Variants in STOML2 observed in about 807,000 individuals in gnomAD.
STOML2 encodes stomatin like 2, also known as stomatin-like protein 2, mitochondrial.
STOML2 carries 22 observed loss-of-function variants against 45.7 expected under a neutral mutation model. The observed-to-expected ratio is 0.48, with a 90% CI of 0.34 to 0.69. The LOEUF is 0.69. Ranked by LOEUF, STOML2 falls within the 30% of genes least tolerant of loss-of-function variation. The pLI, the probability that STOML2 is intolerant of heterozygous loss-of-function variation, is 0.01. For missense variants in STOML2, 359 were observed against 466.9 expected, an observed-to-expected ratio of 0.77 and a Z score of 2.13; for synonymous variants, 181 against 182.7, an observed-to-expected ratio of 0.99 and a Z score of 0.08.
intron 8 of STOML2, 37 bp from the exon 9 acceptor site, chr9:35,100,763 A>G (rs773683994): frequency 2.4e-5 from 39 of 1,613,900 alleles, no homozygotes; most frequent in Non-Finnish European, 3.2e-5. Context: ...GAGATCACCG[A>G]TACGGAGAAG....
rs1411027233 is a variant in STOML2 at position 35,101,104 on chromosome 9, G to C, written c.724+31C>G. 22 of 1,613,946 alleles carry C rather than the reference G, an allele frequency of 1.4e-5. No individual in the cohort carries two copies. Among genetic ancestry groups the C allele is most frequent in the East Asian group, 2.2e-5 (1 of 44,870 alleles). On this transcript the variant is annotated intron_variant, in intron 7 of 9. Transcript: ENST00000356493. The surrounding 1 kb of genome is among the most constrained non-coding windows in gnomAD (Gnocchi z 4.3). ...ACCAATCTTCAAAGGCCCATGCCTT[G>C]CTCCTCCCTCAGCCTCTACCCTCTC...
chr9:35,100,461 C>G (rs1018680512), intron 9 of STOML2, 137 bp downstream of exon 9: 1 of 1,218,064 alleles, frequency 8.2e-7, no homozygotes, highest in East Asian at 2.3e-5. Flanking sequence ...GATTCCATCT[C>G]TACAAAGAAT....
In STOML2 at chr9:35,101,782, A is replaced by G; in HGVS notation, c.372T>C (p.Tyr124=). The G allele has an allele frequency of 6.2e-7, 1 of 1,614,190 alleles. No homozygotes were observed. The highest frequency in any genetic ancestry group is 8.5e-7 in the Non-Finnish European group (1 of 1,180,032). ...KASYGVEDPE[Y]AVTQLAQTTM... is the part of the protein sequence containing the mutation. ...TTGTTTGAGCTAGCTGGGTGACGGCATACTCAGGGTCCTCCACACCGTAGC... is the reference window on the plus strand; with the variant it reads ...TTGTTTGAGCTAGCTGGGTGACGGCGTACTCAGGGTCCTCCACACCGTAGC... Residue 124 remains tyrosine, a synonymous_variant, in exon 5 of 10, where the codon TAT becomes TAC. Coordinates refer to ENST00000356493, the MANE Select transcript of STOML2 (RefSeq NM_013442.3). The surrounding 1 kb of genome is among the most constrained non-coding windows in gnomAD (Gnocchi z 4.3).
intron 9 of STOML2, 91 bp from the exon 10 acceptor site, chr9:35,100,263 G>A: frequency 2.0e-6 from 3 of 1,522,952 alleles, no homozygotes; most frequent in Non-Finnish European, 1.8e-6. Flanking sequence ...GATGGCATGG[G>A]GGCCAGTAAG....
chr9:35,102,057 A>G lies in STOML2; in HGVS notation c.283+38T>C. 1 of 1,612,118 alleles carries G rather than the reference A, an allele frequency of 6.2e-7. No homozygotes were observed. The highest frequency in any genetic ancestry group is 8.5e-7 in the Non-Finnish European group (1 of 1,178,258). On this transcript the variant is annotated intron_variant, in intron 3 of 9. Transcript: ENST00000356493. The surrounding 1 kb of genome is among the most constrained non-coding windows in gnomAD (Gnocchi z 4.8). Reference sequence around the variant, plus strand: ...CTGGATCTACAGCAACCACATCCTAATAGCCTCAGAGCACCCATGTCACCC... The same window carrying G: ...CTGGATCTACAGCAACCACATCCTAGTAGCCTCAGAGCACCCATGTCACCC...
chr9:35,102,310 T>G lies in STOML2; in HGVS notation c.184-116A>C. On this transcript the variant is annotated intron_variant, in intron 2 of 9. Coordinates refer to ENST00000356493, the MANE Select transcript of STOML2 (RefSeq NM_013442.3). The surrounding 1 kb of genome is among the most constrained non-coding windows in gnomAD (Gnocchi z 4.8). Reference sequence around the variant, plus strand: ...GGAACATGCCCAGAAAAGCAGCAGCTCCTACCAAGAAATAAGTCCTCAGAA... The same window carrying G: ...GGAACATGCCCAGAAAAGCAGCAGCGCCTACCAAGAAATAAGTCCTCAGAA... 1.2e-6 allele frequency: 1 copy of G among 866,420 alleles called. No individual in the cohort carries two copies. The highest frequency in any genetic ancestry group is 1.8e-6 in the Non-Finnish European group (1 of 559,182). 53.7% of individuals were successfully genotyped at this position (866,420 alleles called of 1,614,324 possible). A position where few individuals can be genotyped will look rare whatever the true frequency, so the allele number is the denominator to read the frequency against.
Position 35,101,851 on chromosome 9 carries a change from G to T in STOML2, c.343-40C>A. 6.2e-7 allele frequency: 1 copy of T among 1,614,160 alleles called. No homozygotes were observed. The highest frequency in any genetic ancestry group is 1.1e-5 in the South Asian group (1 of 91,082). ...GATAGTGTAAGAAGCTTGGGCACAA[G>T]ATTTTAGTGAAGAGGGCAACTCAAA... On this transcript the variant is annotated intron_variant, in intron 4 of 9. Transcript: ENST00000356493. The surrounding 1 kb of genome is among the most constrained non-coding windows in gnomAD (Gnocchi z 4.3).
At chr9:35,100,757 T>A (rs768785815) in intron 8 of STOML2, 31 bp from the exon 9 acceptor site, 3 of 1,612,698 alleles carry the variant, frequency 1.9e-6, no homozygotes, top group Non-Finnish European at 2.5e-6. Flanking sequence ...AAATCAGAGA[T>A]CACCGATACG....
In STOML2 at chr9:35,100,621, C is replaced by A; in HGVS notation, c.910G>T (p.Asp304Tyr). Residue 304 changes from aspartate (D) to tyrosine (Y), a missense_variant, in exon 9 of 10, where the codon GAT (aspartate) becomes TAT (tyrosine). By Grantham distance (160) the Asp-to-Tyr change is radical. Transcript: ENST00000356493. ...ACCTGAGCCACCATGCTGGTGACAT[C>A]GCCAGGGTTGGAGGGCAGTAGGATA... ...NTILLPSNPG[D>Y]VTSMVAQAMG... The A allele has an allele frequency of 2.5e-6, 4 of 1,614,032 alleles. No individual in the cohort carries two copies. Among genetic ancestry groups the A allele is most frequent in the Non-Finnish European group, 3.4e-6 (4 of 1,180,016 alleles).
Position 35,099,958 on chromosome 9 carries a change from C to A in STOML2, c.*77G>T, listed in dbSNP as rs1246231561. On this transcript the variant is annotated 3_prime_UTR_variant, in exon 10 of 10. Transcript: ENST00000356493. ...CAAATAAAAAAATAAAAACCAAAATCTTGGCAGGGAAGCTAGAGCCAGAAT... is the reference window on the plus strand; with the variant it reads ...CAAATAAAAAAATAAAAACCAAAATATTGGCAGGGAAGCTAGAGCCAGAAT... The A allele has an allele frequency of 1.9e-6, 3 of 1,548,586 alleles. No homozygotes were observed. The highest frequency in any genetic ancestry group is 2.8e-5 in the African/African-American group (2 of 72,492).
rs1829829374 is a variant in STOML2, at chr9:35,102,065, A to G, written c.283+30T>C. On this transcript the variant is annotated intron_variant, in intron 3 of 9. Transcript: ENST00000356493. This position sits in a 1 kb window ranked among gnomAD's most constrained non-coding sequence, Gnocchi z 4.8. Reference sequence around the variant, plus strand: ...ACAGCAACCACATCCTAATAGCCTCAGAGCACCCATGTCACCCTGAACCCC... The same window carrying G: ...ACAGCAACCACATCCTAATAGCCTCGGAGCACCCATGTCACCCTGAACCCC... The G allele has an allele frequency of 6.2e-7, 1 of 1,613,122 alleles. No individual in the cohort carries two copies. Among genetic ancestry groups the G allele is most frequent in the Admixed American group, 1.7e-5 (1 of 59,980 alleles).
rs1829780638 is a variant in STOML2 at position 35,099,946 on chromosome 9, A to G, written c.*89T>C. On this transcript the variant is annotated 3_prime_UTR_variant, in exon 10 of 10. Transcript: ENST00000356493. ...ACGACTAAAGTTCAAATAAAAAAATAAAAACCAAAATCTTGGCAGGGAAGC... is the reference window on the plus strand; with the variant it reads ...ACGACTAAAGTTCAAATAAAAAAATGAAAACCAAAATCTTGGCAGGGAAGC... 1.3e-6 allele frequency: 2 copies of G among 1,525,960 alleles called. No individual in the cohort carries two copies. Among genetic ancestry groups the G allele is most frequent in the Middle Eastern group, 1.8e-4 (1 of 5,668 alleles). The allele number at this position is 1,525,960 out of a possible 1,614,324, so 94.5% of individuals were successfully genotyped here.
chr9:35,102,382 G>A lies in STOML2; in HGVS notation c.184-188C>T, dbSNP rs1351429817. On this transcript the variant is annotated intron_variant, in intron 2 of 9. Transcript: ENST00000356493. The surrounding 1 kb of genome is among the most constrained non-coding windows in gnomAD (Gnocchi z 4.8). The stretch of plus-strand genomic sequence containing the variant: ...AAAACCCAAGAGAACAGGAATGCAA[G>A]ACTAGGCCCCTGAATGGAGGGGAGA... 2.3e-5 allele frequency: 15 copies of A among 655,216 alleles called. No individual in the cohort carries two copies. The highest frequency in any genetic ancestry group is 9.1e-5 in the African/African-American group (5 of 54,778). The allele number at this position is 655,216 out of a possible 1,614,324, so 40.6% of individuals were successfully genotyped here.
At position 35,101,836 on chromosome 9, in the gene STOML2, G is replaced by A. The variant is rs1477633627; in HGVS notation, c.343-25C>T. 4 of 1,614,176 alleles carry A rather than the reference G, an allele frequency of 2.5e-6. No individual in the cohort carries two copies. Among genetic ancestry groups the A allele is most frequent in the Non-Finnish European group, 3.4e-6 (4 of 1,180,006 alleles). The stretch of plus-strand genomic sequence containing the variant: ...CCTGAGATGGACACGGATAGTGTAA[G>A]AAGCTTGGGCACAAGATTTTAGTGA... On this transcript the variant is annotated intron_variant, in intron 4 of 9. Coordinates refer to ENST00000356493, the MANE Select transcript of STOML2 (RefSeq NM_013442.3). The surrounding 1 kb of genome is among the most constrained non-coding windows in gnomAD (Gnocchi z 4.3).
In STOML2 at chr9:35,099,941, A is replaced by C. The variant is rs1829780596; in HGVS notation, c.*94T>G. 2.0e-6 allele frequency: 3 copies of C among 1,514,202 alleles called. No homozygotes were observed. The East Asian group carries it at 6.8e-5, about 34-fold the overall frequency. The allele number at this position is 1,514,202 out of a possible 1,614,324, so 93.8% of individuals were successfully genotyped here. A position where few individuals can be genotyped will look rare whatever the true frequency, so the allele number is the denominator to read the frequency against. On this transcript the variant is annotated 3_prime_UTR_variant, in exon 10 of 10. Transcript: ENST00000356493. Reference sequence around the variant, plus strand: ...ATTACACGACTAAAGTTCAAATAAAAAAATAAAAACCAAAATCTTGGCAGG... The same window carrying C: ...ATTACACGACTAAAGTTCAAATAAACAAATAAAAACCAAAATCTTGGCAGG...
chr9:35,101,534 A>G lies in STOML2; in HGVS notation c.471T>C (p.Ile157=), dbSNP rs1367458100. The G allele has an allele frequency of 6.2e-7, 1 of 1,613,952 alleles. No homozygotes were observed. The highest frequency in any genetic ancestry group is 8.5e-7 in the Non-Finnish European group (1 of 1,180,006). ...FRERESLNAS[I]VDAINQAADC... is the part of the protein sequence containing the mutation. Reference sequence around the variant, plus strand: ...CAGCAGCTTGGTTGATGGCATCCACAATGCTGGCATTCAGGGACTCCCGTT... The same window carrying G: ...CAGCAGCTTGGTTGATGGCATCCACGATGCTGGCATTCAGGGACTCCCGTT... The change falls in exon 6 of 10, where the codon ATT becomes ATC. Residue 157 remains isoleucine (I), a synonymous_variant. Transcript: ENST00000356493. This position sits in a 1 kb window ranked among gnomAD's most constrained non-coding sequence, Gnocchi z 4.3.
At chr9:35,100,834 C>T in intron 8 of STOML2, 98 bp downstream of exon 8, 1 of 1,611,252 alleles carries the variant, frequency 6.2e-7, no homozygotes, top group Non-Finnish European at 8.5e-7. Context: ...TAATCTGGCT[C>T]AACAGAGCCC....
At position 35,100,048 on chromosome 9, in the gene STOML2, A is replaced by C. The variant is rs1829784646; in HGVS notation, c.1058T>G (p.Val353Gly). Reference protein sequence around the residue: ...DASLDEELDRVKMS With the variant: ...DASLDEELDRGKMS The stretch of plus-strand genomic sequence containing the variant: ...AGCCCAGCTCCACTAACTCATCTTG[A>C]CTCGATCAAGTTCCTCATCAAGACT... Residue 353 changes from valine to glycine, a missense_variant, in exon 10 of 10, where the codon GTC becomes GGC. Val to Gly is a moderately radical substitution (Grantham distance 109). Around this residue, in one of 2 missense-constraint regions of STOML2, gnomAD observed 285 missense variants for 422.0 expected, o/e 0.68. Coordinates refer to ENST00000356493, the MANE Select transcript of STOML2 (RefSeq NM_013442.3). 6.2e-7 allele frequency: 1 copy of C among 1,614,004 alleles called. No homozygotes were observed. The highest frequency in any genetic ancestry group is 1.3e-5 in the African/African-American group (1 of 74,906).
rs1829855884 is a variant in STOML2 at position 35,102,933 on chromosome 9, A to G, written c.46-110T>C. ...ACCCTCAGGATCCTCGGAGAATCAC[A>G]TGGGGACCATGACCTCTGACCCCAG... On this transcript the variant is annotated intron_variant, in intron 1 of 9. Coordinates refer to ENST00000356493, the MANE Select transcript of STOML2 (RefSeq NM_013442.3). The surrounding 1 kb of genome is among the most constrained non-coding windows in gnomAD (Gnocchi z 4.8). The G allele has an allele frequency of 1.3e-5, 20 of 1,577,840 alleles. No individual in the cohort carries two copies. The highest frequency in any genetic ancestry group is 1.8e-5 in the Admixed American group (1 of 55,318).
Sources: gnomAD v4.1 joint callset for allele counts on GRCh38, gnomAD v4.1.1 for gene constraint, gnomAD v4.1.1 regional missense constraint, Gnocchi (gnomAD v3.1) non-coding constraint, MANE v1.5 for transcripts, NCBI Gene and HGNC (gene_info 2026-07-23, HGNC 2026-07-21) for gene names.